The following PPP2R2B variants were observed in gnomAD, a reference collection of about 807,000 sequenced individuals.
PPP2R2B encodes the protein protein phosphatase 2 regulatory subunit Bbeta, also known as serine/threonine-protein phosphatase 2A 55 kDa regulatory subunit B beta isoform.
In PPP2R2B, 5 loss-of-function variants were observed where a neutral mutation model predicts 46.0. That is an observed-to-expected ratio of 0.11 (90% confidence interval 0.06 to 0.23). The LOEUF is 0.23. PPP2R2B is among the 10% of genes least tolerant of loss of function. The pLI is 1.00. For synonymous variants in PPP2R2B, 215 were observed against 206.7 expected, an observed-to-expected ratio of 1.04 and a Z score of -0.34; for missense variants, 367 against 575.0, an observed-to-expected ratio of 0.64 and a Z score of 3.70.
chr5:146,948,121 C>G (rs1243005894), intron 1 of PPP2R2B, among the ~76,000 whole-genome samples: 1 of 151,962 alleles, frequency 6.6e-6, no homozygotes, highest in African/African-American at 2.4e-5. Flanking sequence ...ACCCTTAACA[C>G]TTTATGCAAA....
At chr5:147,068,984 A>T (rs1234977257) in intron 2 of PPP2R2B, among the ~76,000 whole-genome samples, 1 of 152,240 alleles carries the variant, frequency 6.6e-6, no homozygotes, top group East Asian at 1.9e-4. Flanking sequence ...CTTAAGAAAC[A>T]GCTAATACAA....
intron 2 of PPP2R2B, among the ~76,000 whole-genome samples, chr5:146,724,125 T>C (rs1170976412): frequency 2.0e-5 from 3 of 152,144 alleles, no homozygotes; most frequent in Non-Finnish European, 4.4e-5. Context: ...TATGAGTCTA[T>C]ACAGAGATTA....
At chr5:146,823,717 A>G (rs778167602) in intron 2 of PPP2R2B, among the ~76,000 whole-genome samples, 5 of 152,176 alleles carry the variant, frequency 3.3e-5, no homozygotes, top group African/African-American at 4.8e-5. Flanking sequence ...GCAGAAGTAT[A>G]AAATAATTCT....
At chr5:147,038,383 G>T (rs973879761) in intron 1 of PPP2R2B, among the ~76,000 whole-genome samples, 2 of 151,894 alleles carry the variant, frequency 1.3e-5, no homozygotes, top group African/African-American at 4.8e-5. Flanking sequence ...AATTCTCCAG[G>T]GCCTAGAATC....
chr5:146,838,079 A>T (rs1402463848), intron 2 of PPP2R2B, among the ~76,000 whole-genome samples: 1 of 152,200 alleles, frequency 6.6e-6, no homozygotes, highest in East Asian at 1.9e-4. Flanking sequence ...GCGTTAAAGA[A>T]ATCTTTATAT....
chr5:146,845,305 C>CTTTCTTT (rs1554144638), intron 2 of PPP2R2B, among the ~76,000 whole-genome samples: 1 of 74,074 alleles, frequency 1.3e-5, no homozygotes, highest in African/African-American at 5.2e-5. Flanking sequence ...TTTTCCTTTT[C>CTTTCTTT]TTTTTTTTGT....
chr5:146,795,342 CAA>C (rs1056454351), intron 2 of PPP2R2B, among the ~76,000 whole-genome samples: 1 of 152,086 alleles, frequency 6.6e-6, no homozygotes, highest in African/African-American at 2.4e-5. Flanking sequence ...ACATGCAAAA[CAA>C]ATATTATTCA....
intron 1 of PPP2R2B, among the ~76,000 whole-genome samples, chr5:146,906,075 G>C (rs1415434322): frequency 6.6e-6 from 1 of 152,012 alleles, no homozygotes; most frequent in African/African-American, 2.4e-5. Context: ...AATTTTATAA[G>C]TTCTAAATAA....
At chr5:146,845,493 T>A (rs1412341734) in intron 2 of PPP2R2B, among the ~76,000 whole-genome samples, 2 of 151,994 alleles carry the variant, frequency 1.3e-5, no homozygotes, top group African/African-American at 4.8e-5. Context: ...GACCTCGTGA[T>A]CCGCCCGCCT....
rs750307654 is a variant in PPP2R2B, at chr5:146,590,073, G to A, written c.1206C>T (p.Asp402=). 6.8e-6 allele frequency: 11 copies of A among 1,613,986 alleles called. No individual in the cohort carries two copies. The highest frequency in any genetic ancestry group is 4.5e-5 in the East Asian group (2 of 44,896). The change falls in exon 10 of 10, where the codon GAC becomes GAT. Residue 402 remains aspartate, a synonymous_variant. Transcript: ENST00000394411. The part of the protein sequence containing the change: ...KVCVGGKRRK[D]EISVDSLDFS... ...AGTCCAGACTGTCGACACTGATCTC[G>A]TCTTTTCTCCGCTTGCCCCCCACAC...
chr5:146,604,983 A>G (rs968114384), intron 7 of PPP2R2B, among the ~76,000 whole-genome samples: 2 of 152,148 alleles, frequency 1.3e-5, no homozygotes, highest in African/African-American at 4.8e-5. Flanking sequence ...CCATCCAGGT[A>G]CACTGGAAAG....
At chr5:146,724,718 G>C (rs17105284) in intron 2 of PPP2R2B, among the ~76,000 whole-genome samples, 29,481 of 151,978 alleles carry the variant, frequency 0.19, 2,981 homozygotes, top group East Asian at 0.37. Context: ...GGCTGATCTT[G>C]ACATATTTAA....
At chr5:146,976,835 T>C (rs948193975) in intron 1 of PPP2R2B, among the ~76,000 whole-genome samples, 1 of 152,198 alleles carries the variant, frequency 6.6e-6, no homozygotes, top group African/African-American at 2.4e-5. Flanking sequence ...AATTTTACTA[T>C]GAATTTTTAG....
chr5:147,029,396 C>T (rs1755675781), intron 1 of PPP2R2B, among the ~76,000 whole-genome samples: 1 of 152,180 alleles, frequency 6.6e-6, no homozygotes, highest in East Asian at 1.9e-4. Flanking sequence ...GAAAAGACCA[C>T]ATTTTCTCCA....
intron 1 of PPP2R2B, among the ~76,000 whole-genome samples, chr5:147,039,489 C>A (rs1756195959): frequency 6.6e-6 from 1 of 151,988 alleles, no homozygotes; most frequent in South Asian, 2.1e-4. Flanking sequence ...ATGCATCTGC[C>A]CACATTCTGT....
chr5:146,891,767 C>A (rs905533197), intron 1 of PPP2R2B, among the ~76,000 whole-genome samples: 1 of 152,140 alleles, frequency 6.6e-6, no homozygotes, highest in South Asian at 2.1e-4. Flanking sequence ...ATGAGAATAG[C>A]TTTGACAGAT....
At chr5:146,796,128 T>C (rs761358752) in intron 2 of PPP2R2B, among the ~76,000 whole-genome samples, 24 of 152,218 alleles carry the variant, frequency 1.6e-4, no homozygotes, top group Non-Finnish European at 3.1e-4. Context: ...AAAACACCCA[T>C]ATAAAAATGT....
At chr5:146,999,496 A>C (rs1754069047) in intron 1 of PPP2R2B, among the ~76,000 whole-genome samples, 1 of 152,198 alleles carries the variant, frequency 6.6e-6, no homozygotes, top group South Asian at 2.1e-4. Context: ...AGTTGGGATG[A>C]GATCTGGGTA....
At chr5:146,602,505 T>C (rs916700532) in intron 7 of PPP2R2B, among the ~76,000 whole-genome samples, 1 of 152,232 alleles carries the variant, frequency 6.6e-6, no homozygotes, top group Non-Finnish European at 1.5e-5. Flanking sequence ...TAAGGGTTTA[T>C]ATCACAATTT....
Sources: allele counts gnomAD v4.1 joint callset (sites outside exome capture counted in the v4.1 genomes callset), GRCh38; gene constraint gnomAD v4.1.1; transcripts MANE v1.5; gene names NCBI Gene and HGNC (gene_info 2026-07-23, HGNC 2026-07-21).